Variants in TENM1 observed in about 807,000 individuals in gnomAD.
TENM1 encodes teneurin transmembrane protein 1.
In TENM1, 35 loss-of-function variants were observed where a neutral mutation model predicts 174.8. The ratio of observed to expected loss-of-function variants is 0.20; its 90% CI spans 0.15 to 0.27. TENM1 has a LOEUF of 0.27. Ranked by LOEUF, TENM1 falls within the 10% of genes least tolerant of loss-of-function variation. The pLI is 1.00. For synonymous variants in TENM1, 781 were observed against 798.7 expected (o/e 0.98, Z 0.37); for missense variants, 1,633 against 2,130.1 (o/e 0.77, Z 4.59).
chrX:124,787,578 G>T (rs1392066264), intron 3 of TENM1, among the ~76,000 whole-genome samples: 2 of 111,749 alleles, frequency 1.8e-5, no homozygotes, highest in Non-Finnish European at 3.8e-5. Context: ...GTTATCTCTT[G>T]TCCCTAGAGA....
chrX:124,551,287 T>A (rs1174241191), intron 14 of TENM1, among the ~76,000 whole-genome samples: 1 of 111,540 alleles, frequency 9.0e-6, no homozygotes, highest in Non-Finnish European at 1.9e-5. Context: ...AAATACTCCA[T>A]GATTGCTCTT....
chrX:124,747,067 G>A (rs1357641872), intron 3 of TENM1, among the ~76,000 whole-genome samples: 3 of 109,382 alleles, frequency 2.7e-5, no homozygotes, highest in Non-Finnish European at 5.7e-5. Flanking sequence ...CAGGAGAATC[G>A]CTTGAACCTA....
intron 3 of TENM1, among the ~76,000 whole-genome samples, chrX:124,783,949 C>T (rs1253855722): frequency 8.9e-6 from 1 of 112,382 alleles, no homozygotes; most frequent in African/African-American, 3.2e-5. Flanking sequence ...GACCTGGAAT[C>T]ATGCATGTGT....
At chrX:125,185,192 G>A in the TENM1 span, among the ~76,000 whole-genome samples, 1 of 112,063 alleles carries the variant, frequency 8.9e-6, no homozygotes, top group Non-Finnish European at 1.9e-5. Context: ...TTCATTTCAG[G>A]AGGCAAATAT....
chrX:125,022,786 A>G, the TENM1 span, among the ~76,000 whole-genome samples: 1 of 111,829 alleles, frequency 8.9e-6, no homozygotes, highest in African/African-American at 3.2e-5. Flanking sequence ...TTTATATTTG[A>G]TAAACTTAGG....
At chrX:125,143,206 G>C in the TENM1 span, among the ~76,000 whole-genome samples, 10 of 111,515 alleles carry the variant, frequency 9.0e-5, no homozygotes, top group African/African-American at 3.3e-4. Context: ...CTTAGAGTCA[G>C]AGATAAATGG....
the TENM1 span, among the ~76,000 whole-genome samples, chrX:125,077,353 T>C: frequency 9.0e-6 from 1 of 111,073 alleles, no homozygotes; most frequent in Admixed American, 9.6e-5. Context: ...GCTCCATGGG[T>C]TGATTTTTTT....
chrX:124,622,845 A>G (rs1050796157), intron 11 of TENM1, among the ~76,000 whole-genome samples: 1 of 111,404 alleles, frequency 9.0e-6, no homozygotes, highest in Non-Finnish European at 1.9e-5. Context: ...CTATTACAAA[A>G]TTTTACATTT....
At chrX:124,839,765 A>T (rs1251175188) in intron 3 of TENM1, among the ~76,000 whole-genome samples, 1 of 112,295 alleles carries the variant, frequency 8.9e-6, no homozygotes, top group Non-Finnish European at 1.9e-5. Flanking sequence ...GAACCAAAAA[A>T]AAGTTATTTT....
chrX:124,879,545 A>C (rs1230669020), intron 3 of TENM1, among the ~76,000 whole-genome samples: 2 of 112,023 alleles, frequency 1.8e-5, no homozygotes, highest in East Asian at 2.8e-4. Flanking sequence ...TTGATTCCAC[A>C]TCTTGGCTAT....
intron 4 of TENM1, among the ~76,000 whole-genome samples, chrX:124,730,356 C>T (rs12010965): frequency 0.012 from 1,376 of 111,498 alleles, 19 homozygotes; most frequent in African/African-American, 0.043. Flanking sequence ...TTACGGAGTG[C>T]TCATTATGTT....
chrX:124,941,019 AC>A (rs2147751424), intron 1 of TENM1, among the ~76,000 whole-genome samples: 2 of 111,750 alleles, frequency 1.8e-5, no homozygotes, highest in African/African-American at 6.5e-5. Context: ...ATCCAAAAAA[AC>A]AAATTAATGA....
chrX:124,779,038 A>G (rs1329197205), intron 3 of TENM1, among the ~76,000 whole-genome samples: 1 of 111,788 alleles, frequency 8.9e-6, no homozygotes, highest in African/African-American at 3.3e-5. Flanking sequence ...CACATTGGAG[A>G]TACTAGGGAT....
At chrX:124,861,775 T>C (rs1022076434) in intron 3 of TENM1, among the ~76,000 whole-genome samples, 1 of 112,468 alleles carries the variant, frequency 8.9e-6, no homozygotes, top group Non-Finnish European at 1.9e-5. Context: ...CTTATTTTCA[T>C]AAATCACTCA....
the TENM1 span, among the ~76,000 whole-genome samples, chrX:124,981,475 A>AT: frequency 8.9e-6 from 1 of 112,022 alleles, no homozygotes; most frequent in Non-Finnish European, 1.9e-5. Context: ...AAGCAGTAGA[A>AT]TTTTGTGACA....
intron 3 of TENM1, among the ~76,000 whole-genome samples, chrX:124,813,433 C>T (rs1481846913): frequency 9.0e-6 from 1 of 111,472 alleles, no homozygotes; most frequent in Non-Finnish European, 1.9e-5. Flanking sequence ...AAAAAATGCA[C>T]AGATACCTAG....
chrX:124,641,268 G>T (rs747044437), intron 11 of TENM1, among the ~76,000 whole-genome samples: 13 of 112,015 alleles, frequency 1.2e-4, no homozygotes, highest in Non-Finnish European at 1.9e-4. Context: ...TAGGACACTT[G>T]AAGTTTATCT....
the TENM1 span, among the ~76,000 whole-genome samples, chrX:125,153,942 A>G: frequency 8.9e-6 from 1 of 112,402 alleles, no homozygotes; most frequent in African/African-American, 3.2e-5. Flanking sequence ...TATTTCTCCC[A>G]TAAGCTAAAG....
intron 25 of TENM1, among the ~76,000 whole-genome samples, chrX:124,408,435 C>T (rs907705627): frequency 3.6e-5 from 4 of 111,746 alleles, no homozygotes; most frequent in Non-Finnish European, 7.5e-5. Context: ...TGAGCCACCA[C>T]GCCCGGCCCA....
Sources: allele counts gnomAD v4.1 joint callset (sites outside exome capture counted in the v4.1 genomes callset), GRCh38; gene constraint gnomAD v4.1.1; transcripts MANE v1.5; gene names NCBI Gene and HGNC (gene_info 2026-07-23, HGNC 2026-07-21).